Variants in PCDHGB2 observed in about 807,000 individuals in gnomAD.
PCDHGB2 encodes the protein protocadherin gamma-B2.
Under a neutral mutation model 59.3 loss-of-function variants are expected in PCDHGB2, and 55 were observed. The ratio of observed to expected loss-of-function variants is 0.93; its 90% CI spans 0.75 to 1.16. The LOEUF is 1.16. PCDHGB2 is among the 50% of genes most tolerant of loss of function. The pLI is 0.00. For missense variants in PCDHGB2, 1,228 were observed against 1,198.5 expected, an observed-to-expected ratio of 1.02 and a Z score of -0.36; for synonymous variants, 516 against 512.0, an observed-to-expected ratio of 1.01 and a Z score of -0.11.
intron 1 of PCDHGB2, among the ~76,000 whole-genome samples, chr5:141,447,752 G>T (rs2154561873): frequency 6.6e-6 from 1 of 152,280 alleles, no homozygotes; most frequent in Admixed American, 6.5e-5. Context: ...TCTTGCATGT[G>T]ACTGTATATA....
rs1761788263 is a variant in PCDHGB2 at position 141,360,889 on chromosome 5, A to C, written c.754A>C (p.Arg252=). Residue 252 remains arginine (R), a synonymous_variant, in exon 1 of 4, where the codon AGG becomes CGG. Coordinates refer to ENST00000522605, the MANE Select transcript of PCDHGB2 (RefSeq NM_018923.3). ...FSQDVYRVTL[R]EDVPPGFFVL... Reference sequence around the variant, plus strand: ...CCAGGACGTGTACAGGGTCACCCTGAGGGAGGACGTGCCGCCGGGCTTCTT... The same window carrying C: ...CCAGGACGTGTACAGGGTCACCCTGCGGGAGGACGTGCCGCCGGGCTTCTT... 6.2e-7 allele frequency: 1 copy of C among 1,614,032 alleles called. No homozygotes were observed. Among genetic ancestry groups the C allele is most frequent in the Non-Finnish European group, 8.5e-7 (1 of 1,179,900 alleles).
chr5:141,497,217 G>A (rs1046945884), intron 2 of PCDHGB2, among the ~76,000 whole-genome samples: 1 of 152,066 alleles, frequency 6.6e-6, no homozygotes, highest in African/African-American at 2.4e-5. Flanking sequence ...AATGGGGGGG[G>A]GAAGATCAGA....
At position 141,486,408 on chromosome 5, in the gene PCDHGB2, C is replaced by G; in HGVS notation, c.2422-8399C>G. The G allele has an allele frequency of 1.2e-6, 2 of 1,614,156 alleles. No homozygotes were observed. The highest frequency in any genetic ancestry group is 1.7e-6 in the Non-Finnish European group (2 of 1,180,014). Reference sequence around the variant, plus strand: ...CAGTTCTCCCTGGTGACTGCTGGACCCTTGGATCGAGAGGCCAAATCTAGC... The same window carrying G: ...CAGTTCTCCCTGGTGACTGCTGGACGCTTGGATCGAGAGGCCAAATCTAGC... On this transcript the variant is annotated intron_variant, in intron 1 of 3. Transcript: ENST00000522605. This position sits in a 1 kb window ranked among gnomAD's most constrained non-coding sequence, Gnocchi z 5.0.
intron 1 of PCDHGB2, chr5:141,373,926 G>A: frequency 1.5e-6 from 1 of 662,052 alleles, no homozygotes; most frequent in Non-Finnish European, 2.3e-6. Flanking sequence ...AAATTAGACG[G>A]GAAAGCAGGA....
intron 1 of PCDHGB2, chr5:141,404,701 G>C (rs563319884): frequency 1.2e-6 from 2 of 1,613,956 alleles, no homozygotes; most frequent in Non-Finnish European, 1.7e-6. Context: ...GCTCTGCAGA[G>C]CCTGGCTACC....
rs2099883782 is a variant in PCDHGB2 at position 141,511,420 on chromosome 5, G to C, written c.*247G>C. The C allele has an allele frequency of 1.2e-6, 1 of 830,744 alleles. No homozygotes were observed. The allele number at this position is 830,744 out of a possible 1,614,324, so 51.5% of individuals were successfully genotyped here. On this transcript the variant is annotated 3_prime_UTR_variant, in exon 4 of 4. Transcript: ENST00000522605. ...TCCAATCAACTGCTGTACCCATGGG[G>C]GTAGTGGGGTTACTGTAGACACCAA...
intron 1 of PCDHGB2, among the ~76,000 whole-genome samples, chr5:141,401,212 G>A (rs2094128608): frequency 6.6e-6 from 1 of 151,930 alleles, no homozygotes; most frequent in Non-Finnish European, 1.5e-5. Context: ...TGTGGTGGCG[G>A]GCGCCTGTAA....
chr5:141,485,641 G>T lies in PCDHGB2; in HGVS notation c.2422-9166G>T. The T allele has an allele frequency of 6.2e-7, 1 of 1,612,012 alleles. No individual in the cohort carries two copies. Among genetic ancestry groups the T allele is most frequent in the Non-Finnish European group, 8.5e-7 (1 of 1,178,470 alleles). On this transcript the variant is annotated intron_variant, in intron 1 of 3. Transcript: ENST00000522605. The surrounding 1 kb of genome is among the most constrained non-coding windows in gnomAD (Gnocchi z 5.7). Reference sequence around the variant, plus strand: ...CAGGACAGCGTTTCCCGTTGGAAAAGGCTCAGGATGCAGATGTGGGGAGCA... The same window carrying T: ...CAGGACAGCGTTTCCCGTTGGAAAATGCTCAGGATGCAGATGTGGGGAGCA...
intron 1 of PCDHGB2, chr5:141,372,079 T>C: frequency 6.2e-7 from 1 of 1,613,698 alleles, no homozygotes; most frequent in East Asian, 2.2e-5. Flanking sequence ...GCACCGCTGG[T>C]GCTGTACCCA....
At chr5:141,377,657 C>T (rs946526132) in intron 1 of PCDHGB2, 5 of 151,160 alleles carry the variant, frequency 3.3e-5, no homozygotes, top group East Asian at 1.9e-4. Flanking sequence ...TAACTATAAA[C>T]GACAGACGTT....
intron 1 of PCDHGB2, chr5:141,421,835 G>T: frequency 6.2e-7 from 1 of 1,613,746 alleles, no homozygotes. Flanking sequence ...AGCCTGGACC[G>T]AGAGAAAGAG....
At chr5:141,372,381 A>G in intron 1 of PCDHGB2, 1 of 1,613,964 alleles carries the variant, frequency 6.2e-7, no homozygotes, top group Admixed American at 1.7e-5. Flanking sequence ...GCTGCACCTA[A>G]TCTTCGCAGA....
rs372031191 is a variant in PCDHGB2, at chr5:141,395,092, C to T, written c.2421+32536C>T. 3.2e-5 allele frequency: 52 copies of T among 1,614,088 alleles called. No homozygotes were observed. The highest frequency in any genetic ancestry group is 4.2e-5 in the Non-Finnish European group (50 of 1,180,040). On this transcript the variant is annotated intron_variant, in intron 1 of 3. Transcript: ENST00000522605. ...ACCTATTCCCAGGAAGTCTCCCTCA[C>T]CGCCGACTCGCGGAAGAGTCACCTG...
chr5:141,389,360 T>C (rs1245411453), intron 1 of PCDHGB2: 4 of 1,613,742 alleles, frequency 2.5e-6, no homozygotes, highest in South Asian at 1.1e-5. Flanking sequence ...TCATGGCCAG[T>C]GACCTGGAGC....
intron 1 of PCDHGB2, among the ~76,000 whole-genome samples, chr5:141,467,758 C>CTCAA (rs933308513): frequency 6.6e-5 from 10 of 152,018 alleles, no homozygotes; most frequent in Admixed American, 5.9e-4. Flanking sequence ...GCCTCACATG[C>CTCAA]TCAAGTGCCC....
intron 1 of PCDHGB2, among the ~76,000 whole-genome samples, chr5:141,397,112 A>G (rs2093474994): frequency 6.6e-6 from 1 of 152,258 alleles, no homozygotes; most frequent in African/African-American, 2.4e-5. Flanking sequence ...GCAATCCACT[A>G]GAATATCCCT....
At chr5:141,397,495 A>T (rs1346259397) in intron 1 of PCDHGB2, among the ~76,000 whole-genome samples, 2 of 152,226 alleles carry the variant, frequency 1.3e-5, no homozygotes, top group Non-Finnish European at 2.9e-5. Flanking sequence ...GAACAGAAGA[A>T]TGATAAAATT....
chr5:141,490,561 A>G lies in PCDHGB2; in HGVS notation c.2422-4246A>G. On this transcript the variant is annotated intron_variant, in intron 1 of 3. Coordinates refer to ENST00000522605, the MANE Select transcript of PCDHGB2 (RefSeq NM_018923.3). This position sits in a 1 kb window ranked among gnomAD's most constrained non-coding sequence, Gnocchi z 5.4. Reference sequence around the variant, plus strand: ...TTCCCTACACAAACATCTCACCATCAGGCTCAACATTTCAGATGTCAATGA... The same window carrying G: ...TTCCCTACACAAACATCTCACCATCGGGCTCAACATTTCAGATGTCAATGA... 6.2e-7 allele frequency: 1 copy of G among 1,614,090 alleles called. No individual in the cohort carries two copies. The highest frequency in any genetic ancestry group is 8.5e-7 in the Non-Finnish European group (1 of 1,180,004).
chr5:141,376,378 G>A, intron 1 of PCDHGB2: 5 of 1,614,236 alleles, frequency 3.1e-6, no homozygotes, highest in Non-Finnish European at 4.2e-6. Context: ...ACTCGCGTAA[G>A]AGTCATCTGA....
Sources: gnomAD v4.1 joint callset for allele counts (sites outside exome capture counted in the v4.1 genomes callset) on GRCh38, gnomAD v4.1.1 for gene constraint, Gnocchi (gnomAD v3.1) non-coding constraint, MANE v1.5 for transcripts, NCBI Gene and HGNC (gene_info 2026-07-23, HGNC 2026-07-21) for gene names.